Variants in PISD observed in about 807,000 individuals in gnomAD.
PISD encodes the protein phosphatidylserine decarboxylase proenzyme, mitochondrial.
Under a neutral mutation model 43.5 loss-of-function variants are expected in PISD, and 31 were observed. The ratio of observed to expected loss-of-function variants is 0.71; its 90% CI spans 0.54 to 0.96. The LOEUF is 0.96. PISD is among the 40% of genes least tolerant of loss of function. PISD has a pLI of 0.00. For missense variants in PISD, 523 were observed against 548.4 expected (o/e 0.95, Z 0.46); for synonymous variants, 259 against 228.7 (o/e 1.13, Z -1.20).
At chr22:31,645,908 A>T (rs1265712757) in intron 3 of PISD, among the ~76,000 whole-genome samples, 1 of 151,460 alleles carries the variant, frequency 6.6e-6, no homozygotes, top group Non-Finnish European at 1.5e-5. Flanking sequence ...AAATAAATAA[A>T]TTTTGTGTTC....
Position 31,640,890 on chromosome 22 carries a change from T to TTTTTTTTTTTTG in PISD, c.321+7210_321+7211insCAAAAAAAAAAA, listed in dbSNP as rs2073697138. Among the ~76,000 whole-genome samples the TTTTTTTTTTTTG allele has an allele frequency of 3.4e-5, 3 of 87,522 alleles. 1 individual carries two copies. The highest frequency in any genetic ancestry group is 6.7e-5 in the Non-Finnish European group (3 of 44,754). The allele number at this position is 87,522 out of a possible 152,430, so 57.4% of individuals were successfully genotyped here. ...GCCACCACACCCGGTGTTTTTTTTTTTTTTTTTTTTTTTTGAGATGGAGTT... is the reference window on the plus strand; with the variant it reads ...GCCACCACACCCGGTGTTTTTTTTTTTTTTTTTTTTTGTTTTTTTTTTTTTTGAGATGGAGTT... On this transcript the variant is annotated intron_variant, in intron 3 of 7. Coordinates refer to ENST00000439502, the MANE Select transcript of PISD (RefSeq NM_001326411.2).
intron 1 of PISD, among the ~76,000 whole-genome samples, chr22:31,656,327 C>T (rs2074174432): frequency 6.6e-6 from 1 of 150,734 alleles, no homozygotes; most frequent in Admixed American, 6.6e-5. Flanking sequence ...CTGGGCATGA[C>T]AGAGCGAGAC....
In PISD at chr22:31,621,695, C is replaced by T. The variant is rs1450832755; in HGVS notation, c.512G>A (p.Arg171His). The T allele has an allele frequency of 7.4e-6, 12 of 1,613,872 alleles. No homozygotes were observed. Among genetic ancestry groups the T allele is most frequent in the East Asian group, 2.2e-5 (1 of 44,890 alleles). Residue 171 changes from arginine (R) to histidine (H), a missense_variant, in exon 4 of 8, where the codon CGC becomes CAC. Arg to His is a conservative substitution (Grantham distance 29). Transcript: ENST00000439502. ...HYRNLSEFFRRKLKPQARPVC... is the reference protein window; with the variant it reads ...HYRNLSEFFRHKLKPQARPVC... ...AGGCCGGGCCTGCGGCTTCAGCTTGCGCCGGAAGAACTCGCTGAGGTTGCG... is the reference window on the plus strand; with the variant it reads ...AGGCCGGGCCTGCGGCTTCAGCTTGTGCCGGAAGAACTCGCTGAGGTTGCG...
Position 31,620,666 on chromosome 22 carries a change from G to A in PISD, c.892C>T (p.Leu298Phe), listed in dbSNP as rs752315628. 1.2e-6 allele frequency: 2 copies of A among 1,614,238 alleles called. No homozygotes were observed. Among genetic ancestry groups the A allele is most frequent in the Admixed American group, 3.3e-5 (2 of 60,034 alleles). The change falls in exon 7 of 8, where the codon CTC becomes TTC. Residue 298 changes from leucine to phenylalanine, a missense_variant. Coordinates refer to ENST00000439502, the MANE Select transcript of PISD (RefSeq NM_001326411.2). Reference sequence around the variant, plus strand: ...ACCACCCGCTCGTTATGGCAGAAGAGCTCTTTGATCCAGCGAGCCATGCCA... The same window carrying A: ...ACCACCCGCTCGTTATGGCAGAAGAACTCTTTGATCCAGCGAGCCATGCCA... ...NPGMARWIKE[L>F]FCHNERVVLT...
At chr22:31,657,170 T>G (rs1310192222) in intron 1 of PISD, among the ~76,000 whole-genome samples, 1 of 152,218 alleles carries the variant, frequency 6.6e-6, no homozygotes, top group Non-Finnish European at 1.5e-5. Flanking sequence ...GGAGTTTTGC[T>G]CTGTCGCCCA....
intron 1 of PISD, among the ~76,000 whole-genome samples, chr22:31,659,646 C>T (rs1298389553): frequency 1.3e-5 from 2 of 152,014 alleles, no homozygotes; most frequent in Admixed American, 1.3e-4. Flanking sequence ...AGCTGGAGTC[C>T]AGTGGCGTGA....
upstream of PISD, chr22:31,662,327 A>T (rs556800771): frequency 5.4e-5 from 55 of 1,024,204 alleles, no homozygotes; most frequent in African/African-American, 8.0e-4. Flanking sequence ...GGCGGAGCCG[A>T]CTAAGCTCCG....
At chr22:31,660,417 T>A (rs1444520816) in intron 1 of PISD, among the ~76,000 whole-genome samples, 1 of 152,020 alleles carries the variant, frequency 6.6e-6, no homozygotes, top group Non-Finnish European at 1.5e-5. Flanking sequence ...CTTAGAGAGG[T>A]GAAAGTGGGT....
In PISD at chr22:31,619,648, C is replaced by T. The variant is rs779973104; in HGVS notation, c.1194G>A (p.Gln398=). The change falls in exon 8 of 8, where the codon CAG becomes CAA. Residue 398 remains glutamine (Q), a synonymous_variant. Coordinates refer to ENST00000439502, the MANE Select transcript of PISD (RefSeq NM_001326411.2). ...CCAGGGCTTCCCCAAAGCGGATTTTCTGTCCTGTTTTCAGCTGGAAATTGA... is the reference window on the plus strand; with the variant it reads ...CCAGGGCTTCCCCAAAGCGGATTTTTTGTCCTGTTTTCAGCTGGAAATTGA... ...KDFNFQLKTG[Q]KIRFGEALGS... 1.2e-6 allele frequency: 2 copies of T among 1,614,106 alleles called. No homozygotes were observed. The highest frequency in any genetic ancestry group is 4.5e-5 in the East Asian group (2 of 44,898).
intron 3 of PISD, among the ~76,000 whole-genome samples, chr22:31,637,154 AAAAAAAAAAAATATATAT>A (rs1213514472): frequency 5.6e-3 from 240 of 43,176 alleles, no homozygotes; most frequent in Non-Finnish European, 8.6e-3. Flanking sequence ...AAAAAAAAAA[AAAAAAAAAAAATATATAT>A]ATATATATAT....
chr22:31,653,992 C>G (rs1368838524), intron 1 of PISD, among the ~76,000 whole-genome samples: 1 of 152,148 alleles, frequency 6.6e-6, no homozygotes, highest in African/African-American at 2.4e-5. Flanking sequence ...TTTGGTCCTC[C>G]CTACTTTTCT....
chr22:31,640,686 T>C (rs1236471344), intron 3 of PISD, among the ~76,000 whole-genome samples: 1 of 131,402 alleles, frequency 7.6e-6, no homozygotes. Context: ...GTTCAAGCAA[T>C]TCTCCCACCT....
At chr22:31,647,025 T>A (rs569990803) in intron 3 of PISD, among the ~76,000 whole-genome samples, 121 of 152,090 alleles carry the variant, frequency 8.0e-4, no homozygotes, top group African/African-American at 2.9e-3. Context: ...TAAGTCACGG[T>A]TTTACAGGAC....
At chr22:31,625,190 C>T (rs910549) in intron 3 of PISD, among the ~76,000 whole-genome samples, 1,680 of 152,338 alleles carry the variant, frequency 0.011, 32 homozygotes, top group African/African-American at 0.038. Flanking sequence ...GAACCAGTGG[C>T]GAACCCCGCT....
rs1002434939 is a variant in PISD, at chr22:31,637,756, G to A, written c.321+10345C>T. On this transcript the variant is annotated intron_variant, in intron 3 of 7. Transcript: ENST00000439502. ...CAGTCTGGGGAAGAGGTCAACTTTTGGATCCACTCTTCTGAAGAAGCAAGT... is the reference window on the plus strand; with the variant it reads ...CAGTCTGGGGAAGAGGTCAACTTTTAGATCCACTCTTCTGAAGAAGCAAGT... 2.0e-5 allele frequency among the ~76,000 whole-genome samples: 3 copies of A among 152,218 alleles called. No homozygotes were observed. The South Asian group carries it at 6.2e-4, about 32-fold the overall frequency.
chr22:31,628,739 C>T, intron 3 of PISD: 1 of 735,964 alleles, frequency 1.4e-6, no homozygotes, highest in Non-Finnish European at 1.7e-6. Context: ...TCCTCCTGGC[C>T]ACCCCCTTGA....
intron 3 of PISD, among the ~76,000 whole-genome samples, chr22:31,633,196 A>T (rs2073279143): frequency 6.6e-6 from 1 of 152,256 alleles, no homozygotes; most frequent in African/African-American, 2.4e-5. Flanking sequence ...CTTACAGACC[A>T]GCCCACACAG....
rs1302854214 is a variant in PISD, at chr22:31,637,155, AAAAAAAAAAATATATATATATATATAT to A, written c.321+10919_321+10945del. 9.6e-4 allele frequency among the ~76,000 whole-genome samples: 43 copies of A among 44,798 alleles called. 3 individuals are homozygous for A. The East Asian group carries it at 0.015, about 16-fold the overall frequency. 29.4% of individuals were successfully genotyped at this position (44,798 alleles called of 152,430 possible). ...ATAATAAATAAATTAAAAAAAAAAAAAAAAAAAAAATATATATATATATATATATATATATATATATATATATATATA... is the reference window on the plus strand; with the variant it reads ...ATAATAAATAAATTAAAAAAAAAAAAATATATATATATATATATATATATA... On this transcript the variant is annotated intron_variant, in intron 3 of 7. Transcript: ENST00000439502.
In PISD at chr22:31,621,123, G is replaced by T; in HGVS notation, c.717C>A (p.Phe239Leu). The T allele has an allele frequency of 6.2e-7, 1 of 1,614,206 alleles. No individual in the cohort carries two copies. The change falls in exon 6 of 8, where the codon TTC (phenylalanine) becomes TTA (leucine). Residue 239 changes from phenylalanine to leucine, a missense_variant. Coordinates refer to ENST00000439502, the MANE Select transcript of PISD (RefSeq NM_001326411.2). ...CTTCCCGGGTGACCAGCTGGTTCTT[G>T]AAGGAGTCACACGACGCGGCTGTGG... ...PFPPAASCDSFKNQLVTREGN... is the reference protein window; with the variant it reads ...PFPPAASCDSLKNQLVTREGN...
Sources: allele counts gnomAD v4.1 joint callset (sites outside exome capture counted in the v4.1 genomes callset), GRCh38; gene constraint gnomAD v4.1.1; transcripts MANE v1.5; gene names NCBI Gene and HGNC (gene_info 2026-07-23, HGNC 2026-07-21).